Variants in APBB2 observed in about 807,000 individuals in gnomAD.
APBB2 encodes the protein Fe65-like 1.
APBB2 carries 38 observed loss-of-function variants against 82.5 expected under a neutral mutation model. That is an observed-to-expected ratio of 0.46 (90% CI 0.36 to 0.60). APBB2 has a LOEUF of 0.60. Among genes scored for constraint, APBB2 ranks in the 20% least tolerant of loss-of-function variants. The probability of loss-of-function intolerance (pLI) is 0.00; values close to 1 mark genes in which losing one functional copy is unlikely to be tolerated. For missense variants in APBB2, 772 were observed against 972.3 expected, an observed-to-expected ratio of 0.79 and a Z score of 2.74; for synonymous variants, 341 against 368.2, an observed-to-expected ratio of 0.93 and a Z score of 0.85.
At chr4:40,930,462 C>A (rs866903125) in intron 10 of APBB2, among the ~76,000 whole-genome samples, 3 of 103,722 alleles carry the variant, frequency 2.9e-5, no homozygotes, top group Admixed American at 2.7e-4. Flanking sequence ...CGCGCGCGCG[C>A]GCGCGTGCGC....
intron 13 of APBB2, among the ~76,000 whole-genome samples, chr4:40,829,339 C>A (rs1020548062): frequency 4.6e-5 from 7 of 152,152 alleles, no homozygotes; most frequent in African/African-American, 1.7e-4. Context: ...CTGGAATAGC[C>A]ATGTGACCCA....
chr4:41,107,471 A>G (rs1179043698), intron 2 of APBB2, among the ~76,000 whole-genome samples: 1 of 152,216 alleles, frequency 6.6e-6, no homozygotes, highest in Non-Finnish European at 1.5e-5. Flanking sequence ...CCACTTTGCA[A>G]CTACCAATGC....
chr4:40,931,334 A>AGG (rs1784186131), intron 10 of APBB2, among the ~76,000 whole-genome samples: 1 of 152,166 alleles, frequency 6.6e-6, no homozygotes, highest in Non-Finnish European at 1.5e-5. Flanking sequence ...CATGGACAGC[A>AGG]GTGCCTCGAT....
chr4:40,999,708 A>G (rs1476013559), intron 6 of APBB2, among the ~76,000 whole-genome samples: 1 of 152,202 alleles, frequency 6.6e-6, no homozygotes, highest in African/African-American at 2.4e-5. Flanking sequence ...TCTGCATTTC[A>G]GTAAGATCCC....
At chr4:41,149,458 G>C (rs1013458461) in intron 1 of APBB2, among the ~76,000 whole-genome samples, 2 of 151,866 alleles carry the variant, frequency 1.3e-5, no homozygotes, top group African/African-American at 4.8e-5. Flanking sequence ...ATGGGATGCA[G>C]GGGAAAGGGC....
At chr4:41,076,152 G>A (rs1387407019) in intron 3 of APBB2, among the ~76,000 whole-genome samples, 1 of 152,108 alleles carries the variant, frequency 6.6e-6, no homozygotes, top group African/African-American at 2.4e-5. Flanking sequence ...TCAAAGCAGG[G>A]GCAGACAAAA....
At chr4:41,139,149 A>G (rs188378182) in intron 2 of APBB2, among the ~76,000 whole-genome samples, 12 of 152,290 alleles carry the variant, frequency 7.9e-5, no homozygotes, top group Admixed American at 7.8e-4. Context: ...GCAAGTCAAC[A>G]TAAGAGCTCT....
intron 3 of APBB2, among the ~76,000 whole-genome samples, chr4:41,068,828 G>A (rs182290090): frequency 2.5e-5 from 3 of 121,196 alleles, no homozygotes; most frequent in Non-Finnish European, 1.6e-5. Flanking sequence ...ATGGAGTCTC[G>A]CTCTGTTGCC....
rs184021609 is a variant in APBB2 at position 40,815,642 on chromosome 4, C to T, written c.*450G>A. 6.5e-4 allele frequency: 104 copies of T among 160,478 alleles called. No homozygotes were observed. Among genetic ancestry groups the T allele is most frequent in the African/African-American group, 1.9e-3 (81 of 41,806 alleles). 9.9% of individuals were successfully genotyped at this position (160,478 alleles called of 1,614,324 possible). On this transcript the variant is annotated 3_prime_UTR_variant, in exon 18 of 18. Transcript: ENST00000508593. ...TTTTACAGCAATTCAATGGTATCTG[C>T]TATGCAGTGCCTACTCCAATGTTGA...
At chr4:40,950,384 C>G (rs570643171) in intron 6 of APBB2, among the ~76,000 whole-genome samples, 1 of 152,146 alleles carries the variant, frequency 6.6e-6, no homozygotes, top group African/African-American at 2.4e-5. Context: ...CTGAAATAAC[C>G]AAAACCTTGA....
At chr4:40,972,411 G>C (rs1239939590) in intron 6 of APBB2, among the ~76,000 whole-genome samples, 1 of 119,796 alleles carries the variant, frequency 8.3e-6, no homozygotes, top group Non-Finnish European at 1.8e-5. Flanking sequence ...CTGGGTGACA[G>C]AGCGAGACTC....
chr4:41,110,552 G>A (rs1383984493), intron 2 of APBB2, among the ~76,000 whole-genome samples: 2 of 149,688 alleles, frequency 1.3e-5, no homozygotes, highest in East Asian at 2.0e-4. Context: ...GCAGTGAGCC[G>A]AGATCGCACC....
chr4:40,824,918 C>T (rs1560614524), intron 15 of APBB2, among the ~76,000 whole-genome samples: 2 of 152,314 alleles, frequency 1.3e-5, no homozygotes, highest in Non-Finnish European at 1.5e-5. Context: ...TACTTTCTGA[C>T]GCTAGAGCTC....
intron 3 of APBB2, among the ~76,000 whole-genome samples, chr4:41,088,773 A>T (rs1249382257): frequency 4.6e-5 from 7 of 152,180 alleles, no homozygotes; most frequent in Non-Finnish European, 8.8e-5. Context: ...TCATAAACTC[A>T]ACTTCTATCT....
chr4:41,041,176 G>A (rs544157190), intron 4 of APBB2, among the ~76,000 whole-genome samples: 24 of 152,222 alleles, frequency 1.6e-4, no homozygotes, highest in African/African-American at 5.5e-4. Flanking sequence ...CACCATGCCC[G>A]GCTACATGTG....
chr4:41,187,606 T>C (rs948485866), intron 1 of APBB2, among the ~76,000 whole-genome samples: 1 of 152,244 alleles, frequency 6.6e-6, no homozygotes, highest in Non-Finnish European at 1.5e-5. Flanking sequence ...CAAAAAAGAA[T>C]ACTGTAATAC....
chr4:41,148,627 T>C (rs868324205), intron 1 of APBB2, among the ~76,000 whole-genome samples: 1 of 152,326 alleles, frequency 6.6e-6, no homozygotes, highest in African/African-American at 2.4e-5. Flanking sequence ...CTCAGGGGGC[T>C]AAAGGAACAT....
At chr4:40,842,436 T>A in intron 12 of APBB2, 1 of 445,538 alleles carries the variant, frequency 2.2e-6, no homozygotes, top group South Asian at 1.6e-5. Flanking sequence ...TCACACGGCA[T>A]CCCGCCAATA....
At chr4:40,942,978 C>T (rs1241571424) in intron 7 of APBB2, among the ~76,000 whole-genome samples, 1 of 152,202 alleles carries the variant, frequency 6.6e-6, no homozygotes, top group East Asian at 1.9e-4. Context: ...GCCTGGGCCT[C>T]TGCAGGCAGC....
Sources: gnomAD v4.1 joint callset for allele counts (sites outside exome capture counted in the v4.1 genomes callset) on GRCh38, gnomAD v4.1.1 for gene constraint, MANE v1.5 for transcripts, NCBI Gene and HGNC (gene_info 2026-07-23, HGNC 2026-07-21) for gene names.